CAMSAP1: variants seen among roughly 807,000 people sequenced by gnomAD.
CAMSAP1 encodes the protein calmodulin-regulated spectrin-associated protein 1.
In CAMSAP1, 58 loss-of-function variants were observed where a neutral mutation model predicts 143.5. The observed-to-expected ratio is 0.40, with a 90% CI of 0.33 to 0.50. The LOEUF (loss-of-function observed/expected upper bound fraction) is 0.50, where lower values mean the gene tolerates loss of function less well. Ranked by LOEUF, CAMSAP1 falls within the 20% of genes least tolerant of loss-of-function variation. The probability of loss-of-function intolerance (pLI) is 0.45; values close to 1 mark genes in which losing one functional copy is unlikely to be tolerated. For missense variants in CAMSAP1, 1,969 were observed against 2,115.7 expected (o/e 0.93, Z 1.36); for synonymous variants, 945 against 859.3 (o/e 1.10, Z -1.74).
chr9:135,846,682 C>CAAAAAAAAAAAAAAAAAAAAAACA (rs752714756), intron 7 of CAMSAP1, among the ~76,000 whole-genome samples: 3 of 53,684 alleles, frequency 5.6e-5, no homozygotes, highest in Non-Finnish European at 1.3e-4. Flanking sequence ...ACAAATTTAC[C>CAAAAAAAAAAAAAAAAAAAAAACA]AAAAAAAAAA....
intron 1 of CAMSAP1, among the ~76,000 whole-genome samples, chr9:135,883,478 T>C (rs1253329882): frequency 6.6e-6 from 1 of 152,150 alleles, no homozygotes; most frequent in Non-Finnish European, 1.5e-5. Flanking sequence ...GCTAGGACCA[T>C]GTAGTGCCTG....
intron 1 of CAMSAP1, among the ~76,000 whole-genome samples, chr9:135,904,899 C>T (rs541101202): frequency 2.0e-5 from 3 of 150,818 alleles, no homozygotes; most frequent in Admixed American, 1.3e-4. Flanking sequence ...CAGGAGGTGG[C>T]GGTTGCGGTG....
At chr9:135,847,505 T>C (rs1011749309) in intron 7 of CAMSAP1, among the ~76,000 whole-genome samples, 6 of 151,710 alleles carry the variant, frequency 4.0e-5, no homozygotes, top group African/African-American at 1.2e-4. Flanking sequence ...ATATACACCA[T>C]GGAATACTAT....
chr9:135,835,935 G>T (rs1192246567), intron 7 of CAMSAP1, among the ~76,000 whole-genome samples: 1 of 152,164 alleles, frequency 6.6e-6, no homozygotes, highest in African/African-American at 2.4e-5. Context: ...AGGTGAGATT[G>T]TGCCACTGCT....
chr9:135,885,400 G>C (rs1309927507), intron 1 of CAMSAP1, among the ~76,000 whole-genome samples: 3 of 152,170 alleles, frequency 2.0e-5, no homozygotes, highest in African/African-American at 4.8e-5. Flanking sequence ...CTGTGATGCA[G>C]TCCCCCTAGG....
chr9:135,815,906 T>C lies in CAMSAP1; in HGVS notation c.4371A>G (p.Ser1457=), dbSNP rs747525428. ...ETASAASSLA[S]VAEYTGPKLF... is the part of the protein sequence containing the mutation. ...CGCCGTCACCTGTGTACTCGGCCACTGAGGCCAGGGAAGATGCCGCCGACG... is the reference window on the plus strand; with the variant it reads ...CGCCGTCACCTGTGTACTCGGCCACCGAGGCCAGGGAAGATGCCGCCGACG... Residue 1457 remains serine, a synonymous_variant, in exon 15 of 17, where the codon TCA becomes TCG. Coordinates refer to ENST00000389532, the MANE Select transcript of CAMSAP1 (RefSeq NM_015447.4). 6.2e-7 allele frequency: 1 copy of C among 1,613,598 alleles called. No homozygotes were observed. Among genetic ancestry groups the C allele is most frequent in the Admixed American group, 1.7e-5 (1 of 60,016 alleles).
rs762345738 is a variant in CAMSAP1 at position 135,818,968 on chromosome 9, G to A, written c.3959+42C>T. Reference sequence around the variant, plus strand: ...GACCGGGGCCGCCAGGGACCCACCAGGCTCCTGCTCAGTCTGCTTTCCCCC... The same window carrying A: ...GACCGGGGCCGCCAGGGACCCACCAAGCTCCTGCTCAGTCTGCTTTCCCCC... On this transcript the variant is annotated intron_variant, in intron 12 of 16. Coordinates refer to ENST00000389532, the MANE Select transcript of CAMSAP1 (RefSeq NM_015447.4). The surrounding 1 kb of genome is among the most constrained non-coding windows in gnomAD (Gnocchi z 7.7). 6.3e-7 allele frequency: 1 copy of A among 1,594,790 alleles called. No individual in the cohort carries two copies. The highest frequency in any genetic ancestry group is 1.3e-5 in the African/African-American group (1 of 74,778).
chr9:135,842,177 C>T (rs1006210179), intron 7 of CAMSAP1, among the ~76,000 whole-genome samples: 18 of 152,146 alleles, frequency 1.2e-4, no homozygotes, highest in South Asian at 8.3e-4. Context: ...AGCTGAAAAA[C>T]ACAGCACGAG....
At chr9:135,865,252 G>A (rs1837333886) in intron 4 of CAMSAP1, 1 of 1,368,406 alleles carries the variant, frequency 7.3e-7, no homozygotes, top group Non-Finnish European at 1.0e-6. Context: ...AGTTTTGGGT[G>A]CGAGCAGTTT....
In CAMSAP1 at chr9:135,811,589, T is replaced by C. The variant is rs201218402; in HGVS notation, c.4529A>G (p.Asn1510Ser). The C allele has an allele frequency of 1.3e-5, 21 of 1,593,852 alleles. No homozygotes were observed. Among genetic ancestry groups the C allele is most frequent in the South Asian group, 4.6e-5 (4 of 87,890 alleles). ...ATCACGAAACAGTATGATGTAGTGA[T>C]TGGCATCACACTTCTCCAGCTCCTG... ...ILEELEKCDANHYIILFRDAG... is the reference protein window; with the variant it reads ...ILEELEKCDASHYIILFRDAG... Residue 1510 changes from asparagine to serine, a missense_variant, in exon 17 of 17, where the codon AAT becomes AGT. Around this residue, in one of 4 missense-constraint regions of CAMSAP1, gnomAD observed 143 missense variants for 200.6 expected, o/e 0.71. Transcript: ENST00000389532. This position sits in a 1 kb window ranked among gnomAD's most constrained non-coding sequence, Gnocchi z 4.9.
Position 135,822,831 on chromosome 9 carries a change from G to C in CAMSAP1, c.1830C>G (p.Thr610=). 1 of 1,613,948 alleles carries C rather than the reference G, an allele frequency of 6.2e-7. No individual in the cohort carries two copies. Among genetic ancestry groups the C allele is most frequent in the Non-Finnish European group, 8.5e-7 (1 of 1,179,890 alleles). Residue 610 remains threonine (T), a synonymous_variant, in exon 11 of 17, where the codon ACC becomes ACG. Coordinates refer to ENST00000389532, the MANE Select transcript of CAMSAP1 (RefSeq NM_015447.4). This position sits in a 1 kb window ranked among gnomAD's most constrained non-coding sequence, Gnocchi z 6.1. ...LKPAKEKQVI[T]KEDERGEGRP... ...TCCCTTCCCCCCGTTCATCCTCCTT[G>C]GTGATCACCTGCTTCTCTTTCGCTG...
intron 7 of CAMSAP1, among the ~76,000 whole-genome samples, chr9:135,828,883 A>G (rs1160881684): frequency 1.3e-5 from 2 of 152,234 alleles, no homozygotes; most frequent in African/African-American, 4.8e-5. Flanking sequence ...CAGGCCAGAG[A>G]GAAATGGGAT....
intron 1 of CAMSAP1, among the ~76,000 whole-genome samples, chr9:135,885,968 A>G (rs561481114): frequency 9.1e-4 from 139 of 152,240 alleles, no homozygotes; most frequent in African/African-American, 3.2e-3. Flanking sequence ...GCACTTGTCC[A>G]TGAGTAACTG....
chr9:135,811,916 G>A lies in CAMSAP1; in HGVS notation c.4507-305C>T, dbSNP rs772515986. Among the ~76,000 whole-genome samples the A allele has an allele frequency of 3.3e-5, 5 of 152,214 alleles. No individual in the cohort carries two copies. The highest frequency in any genetic ancestry group is 5.9e-5 in the Non-Finnish European group (4 of 68,036). Reference sequence around the variant, plus strand: ...AGAGAAATGCCAGTCAGAAAGAGACGTCGCGTCATGCCCACAAGGACGGCT... The same window carrying A: ...AGAGAAATGCCAGTCAGAAAGAGACATCGCGTCATGCCCACAAGGACGGCT... On this transcript the variant is annotated intron_variant, in intron 16 of 16. Coordinates refer to ENST00000389532, the MANE Select transcript of CAMSAP1 (RefSeq NM_015447.4). The surrounding 1 kb of genome is among the most constrained non-coding windows in gnomAD (Gnocchi z 4.9).
rs779504586 is a variant in CAMSAP1 at position 135,845,238 on chromosome 9, T to TCA, written c.1045+4897_1045+4898dup. 1.2e-3 allele frequency among the ~76,000 whole-genome samples: 180 copies of TCA among 152,168 alleles called. 2 individuals are homozygous for TCA. Among genetic ancestry groups the TCA allele is most frequent in the Non-Finnish European group, 1.0e-3 (68 of 68,010 alleles). On this transcript the variant is annotated intron_variant, in intron 7 of 16. Transcript: ENST00000389532. ...TATGCAAATCAATAAACGTAATCCA[T>TCA]CACATAAACAGAGCCAATGACAAAA...
chr9:135,903,730 C>A (rs1224176161), intron 1 of CAMSAP1, among the ~76,000 whole-genome samples: 1 of 152,244 alleles, frequency 6.6e-6, no homozygotes, highest in Non-Finnish European at 1.5e-5. Flanking sequence ...CACCATCATA[C>A]CCCCAAAAGC....
In CAMSAP1 at chr9:135,882,306, G is replaced by A. The variant is rs937840259; in HGVS notation, c.423+510C>T. Among the ~76,000 whole-genome samples the A allele has an allele frequency of 1.3e-5, 2 of 152,102 alleles. No individual in the cohort carries two copies. The highest frequency in any genetic ancestry group is 6.6e-5 in the Admixed American group (1 of 15,262). The stretch of plus-strand genomic sequence containing the variant: ...ACCGCACGGCACCCGCAGTCTCACC[G>A]GGAACGCCATGGGAGCAACCAAACA... On this transcript the variant is annotated intron_variant, in intron 2 of 16. Coordinates refer to ENST00000389532, the MANE Select transcript of CAMSAP1 (RefSeq NM_015447.4). The surrounding 1 kb of genome is among the most constrained non-coding windows in gnomAD (Gnocchi z 4.9).
chr9:135,839,790 G>C (rs2131712416), intron 7 of CAMSAP1, among the ~76,000 whole-genome samples: 1 of 151,950 alleles, frequency 6.6e-6, no homozygotes, highest in South Asian at 2.1e-4. Context: ...CTACTGCCAG[G>C]GCACCAGCAG....
At chr9:135,886,476 T>C (rs965850306) in intron 1 of CAMSAP1, among the ~76,000 whole-genome samples, 1 of 152,092 alleles carries the variant, frequency 6.6e-6, no homozygotes, top group East Asian at 1.9e-4. Context: ...AAAATGACCC[T>C]GTTAAGAGAA....
Sources: gnomAD v4.1 joint callset for allele counts (sites outside exome capture counted in the v4.1 genomes callset) on GRCh38, gnomAD v4.1.1 for gene constraint, gnomAD v4.1.1 regional missense constraint, Gnocchi (gnomAD v3.1) non-coding constraint, MANE v1.5 for transcripts, NCBI Gene and HGNC (gene_info 2026-07-23, HGNC 2026-07-21) for gene names.